OSBPL3: variants seen among roughly 807,000 people sequenced by gnomAD.
The protein encoded by OSBPL3 is oxysterol binding protein like 3.
Under a neutral mutation model 120.1 loss-of-function variants are expected in OSBPL3, and 65 were observed. The ratio of observed to expected loss-of-function variants is 0.54; its 90% confidence interval spans 0.44 to 0.67. The LOEUF is 0.67. Ranked by LOEUF, OSBPL3 falls within the 30% of genes least tolerant of loss-of-function variation. OSBPL3 has a pLI of 0.00. For synonymous variants in OSBPL3, 416 were observed against 402.6 expected, an observed-to-expected ratio of 1.03 and a Z score of -0.40; for missense variants, 1,004 against 1,082.1, an observed-to-expected ratio of 0.93 and a Z score of 1.01.
Position 24,820,113 on chromosome 7 carries a change from G to A in OSBPL3, c.1948+62C>T, listed in dbSNP as rs974838690. On this transcript the variant is annotated intron_variant, in intron 17 of 22. Coordinates refer to ENST00000313367, the MANE Select transcript of OSBPL3 (RefSeq NM_015550.4). This position sits in a 1 kb window ranked among gnomAD's most constrained non-coding sequence, Gnocchi z 4.6. ...CAGTAAGAATTGACAGCAATTCTTG[G>A]ATAAAATAAATAGATAACATATTAC... The A allele has an allele frequency of 3.2e-6, 4 of 1,235,866 alleles. No homozygotes were observed. The highest frequency in any genetic ancestry group is 1.8e-5 in the Admixed American group (1 of 54,710). 76.6% of individuals were successfully genotyped at this position (1,235,866 alleles called of 1,614,324 possible).
chr7:24,902,498 G>A (rs1364201854), intron 1 of OSBPL3, among the ~76,000 whole-genome samples: 1 of 152,002 alleles, frequency 6.6e-6, no homozygotes, highest in African/African-American at 2.4e-5. Flanking sequence ...TAAAGATGCT[G>A]ATGCAATGAA....
Position 24,806,921 on chromosome 7 carries a change from A to G in OSBPL3, c.2318-19T>C. The G allele has an allele frequency of 5.0e-6, 8 of 1,597,414 alleles. No individual in the cohort carries two copies. Among genetic ancestry groups the G allele is most frequent in the Non-Finnish European group, 6.8e-6 (8 of 1,170,252 alleles). ...ATAGGATCTAAGAAGAAAATAAATC[A>G]TTCACCCCTAACTTGCATGTTACTT... On this transcript the variant is annotated intron_variant, in intron 20 of 22. Coordinates refer to ENST00000313367, the MANE Select transcript of OSBPL3 (RefSeq NM_015550.4). This position sits in a 1 kb window ranked among gnomAD's most constrained non-coding sequence, Gnocchi z 5.2.
chr7:24,893,793 C>T lies in OSBPL3; in HGVS notation c.-149-1172G>A, dbSNP rs907200545. On this transcript the variant is annotated intron_variant, in intron 1 of 22. Transcript: ENST00000313367. ...AGGCTGCAGCTCTTTGGGAGTCTTG[C>T]CCTGATGGAGGGGTTTCTAGTTTTC... Among the ~76,000 whole-genome samples the T allele has an allele frequency of 2.0e-5, 3 of 152,144 alleles. No individual in the cohort carries two copies. In the East Asian group the frequency reaches 5.8e-4, roughly 29 times the overall value.
chr7:24,915,450 T>C (rs1809408735), intron 1 of OSBPL3, among the ~76,000 whole-genome samples: 1 of 152,174 alleles, frequency 6.6e-6, no homozygotes, highest in Non-Finnish European at 1.5e-5. Flanking sequence ...AAAGTTGTCT[T>C]TCAAAAATAA....
intron 19 of OSBPL3, 149 bp downstream of exon 19, chr7:24,814,910 G>A (rs1209652520): frequency 1.5e-5 from 11 of 720,860 alleles, no homozygotes; most frequent in Non-Finnish European, 2.1e-5. Flanking sequence ...CTAGGTGACA[G>A]AGGTGCAGCT....
At position 24,806,402 on chromosome 7, in the gene OSBPL3, C is replaced by T. The variant is rs1793043455; in HGVS notation, c.2444+374G>A. Reference sequence around the variant, plus strand: ...ATATCACACACCTTGTGAGCAGCAACCTAGAATCAGCAGTTAGATCTCAGT... The same window carrying T: ...ATATCACACACCTTGTGAGCAGCAATCTAGAATCAGCAGTTAGATCTCAGT... On this transcript the variant is annotated intron_variant, in intron 21 of 22. Transcript: ENST00000313367. This position sits in a 1 kb window ranked among gnomAD's most constrained non-coding sequence, Gnocchi z 5.2. Among the ~76,000 whole-genome samples, 1 of 152,128 alleles carries T rather than the reference C, an allele frequency of 6.6e-6. No homozygotes were observed. Among genetic ancestry groups the T allele is most frequent in the Admixed American group, 6.6e-5 (1 of 15,266 alleles).
chr7:24,959,789 T>C lies in OSBPL3; in HGVS notation c.-150+20097A>G, dbSNP rs1815508456. ...ATAAATGTTTTTCTAAATGCTGACATGCTTATCGGCCACTTGTAAAACCCA... is the reference window on the plus strand; with the variant it reads ...ATAAATGTTTTTCTAAATGCTGACACGCTTATCGGCCACTTGTAAAACCCA... On this transcript the variant is annotated intron_variant, in intron 1 of 22. Transcript: ENST00000313367. This position sits in a 1 kb window ranked among gnomAD's most constrained non-coding sequence, Gnocchi z 4.3. 6.6e-6 allele frequency among the ~76,000 whole-genome samples: 1 copy of C among 152,222 alleles called. No individual in the cohort carries two copies. The highest frequency in any genetic ancestry group is 2.1e-4 in the South Asian group (1 of 4,834).
chr7:24,865,584 G>A, intron 6 of OSBPL3, 119 bp from the exon 7 acceptor site: 1 of 993,340 alleles, frequency 1.0e-6, no homozygotes, highest in East Asian at 2.5e-5. Context: ...CTATAATGAG[G>A]AAGAAGCTTC....
At chr7:24,981,830 G>C (rs1225261480), upstream of OSBPL3, among the ~76,000 whole-genome samples, 1 of 152,170 alleles carries the variant, frequency 6.6e-6, no homozygotes, top group Non-Finnish European at 1.5e-5. The surrounding 1 kb of genome is among the most constrained non-coding windows in gnomAD (Gnocchi z 7.3). Flanking sequence ...TGGACGGGTA[G>C]TGGAAGGACG....
rs767089220 is a variant in OSBPL3 at position 24,862,858 on chromosome 7, G to A, written c.870+342C>T. Among the ~76,000 whole-genome samples, 1 of 152,122 alleles carries A rather than the reference G, an allele frequency of 6.6e-6. No homozygotes were observed. Among genetic ancestry groups the A allele is most frequent in the Non-Finnish European group, 1.5e-5 (1 of 68,026 alleles). On this transcript the variant is annotated intron_variant, in intron 9 of 22. Transcript: ENST00000313367. The surrounding 1 kb of genome is among the most constrained non-coding windows in gnomAD (Gnocchi z 4.4). ...CAGGTCACAGCACACAGCAACTGCA[G>A]CCACAAAACAAGGCACAAACACAAG... is the stretch of plus-strand genomic sequence containing the variant.
rs62450564 is a variant in OSBPL3 at position 24,873,312 on chromosome 7, T to C, written c.97-1243A>G. ...AGGGCACAGAAACCACACAGGGTCC[T>C]GAGTGGCTCTGGCTCAGTTTCTGTG... On this transcript the variant is annotated intron_variant, in intron 2 of 22. Coordinates refer to ENST00000313367, the MANE Select transcript of OSBPL3 (RefSeq NM_015550.4). This position sits in a 1 kb window ranked among gnomAD's most constrained non-coding sequence, Gnocchi z 4.1. 0.19 allele frequency among the ~76,000 whole-genome samples: 29,358 copies of C among 152,168 alleles called. 2,973 individuals are homozygous for C. The highest frequency in any genetic ancestry group is 0.24 in the East Asian group (1,221 of 5,178).
In OSBPL3 at chr7:24,851,696, A is replaced by T. The variant is rs1212049563; in HGVS notation, c.1158+808T>A. The stretch of plus-strand genomic sequence containing the variant: ...AAGAGTAAAAGCAAATCAGTATGCT[A>T]TTTCAAAAGTTCTCTAGCCTCCTGA... On this transcript the variant is annotated intron_variant, in intron 11 of 22. Transcript: ENST00000313367. The surrounding 1 kb of genome is among the most constrained non-coding windows in gnomAD (Gnocchi z 4.1). 2.6e-5 allele frequency among the ~76,000 whole-genome samples: 4 copies of T among 151,808 alleles called. No homozygotes were observed. The highest frequency in any genetic ancestry group is 5.9e-5 in the Non-Finnish European group (4 of 67,976).
At position 24,933,931 on chromosome 7, in the gene OSBPL3, G is replaced by A. The variant is rs1327163627; in HGVS notation, c.-149-41310C>T. Among the ~76,000 whole-genome samples, 1 of 152,160 alleles carries A rather than the reference G, an allele frequency of 6.6e-6. No homozygotes were observed. The highest frequency in any genetic ancestry group is 1.5e-5 in the Non-Finnish European group (1 of 68,018). On this transcript the variant is annotated intron_variant, in intron 1 of 22. Transcript: ENST00000313367. The surrounding 1 kb of genome is among the most constrained non-coding windows in gnomAD (Gnocchi z 5.1). ...GATTTGTTGGCATTAAATCAGTTTA[G>A]TCTATAAATACCTTTATAGATGACA... is the stretch of plus-strand genomic sequence containing the variant.
chr7:24,882,527 C>T (rs955131860), intron 2 of OSBPL3, among the ~76,000 whole-genome samples: 1 of 152,164 alleles, frequency 6.6e-6, no homozygotes, highest in African/African-American at 2.4e-5. Context: ...TTTTATATCT[C>T]TGATATTGTA....
rs1815455672 is a variant in OSBPL3 at position 24,959,361 on chromosome 7, T to C, written c.-150+20525A>G. On this transcript the variant is annotated intron_variant, in intron 1 of 22. Transcript: ENST00000313367. This position sits in a 1 kb window ranked among gnomAD's most constrained non-coding sequence, Gnocchi z 4.3. ...CAATAGTAGAATGGATAAATAAATT[T>C]TGGCATATTAACACAATGCGATTCT... Among the ~76,000 whole-genome samples the C allele has an allele frequency of 6.6e-6, 1 of 152,180 alleles. No homozygotes were observed. The highest frequency in any genetic ancestry group is 2.4e-5 in the African/African-American group (1 of 41,442).
In OSBPL3 at chr7:24,966,022, G is replaced by A. The variant is rs372241309; in HGVS notation, c.-150+13864C>T. ...CCTCCAAACCCCCTTCACATCCATTGACACCTGGCTAAGTCTCACACAAGT... is the reference window on the plus strand; with the variant it reads ...CCTCCAAACCCCCTTCACATCCATTAACACCTGGCTAAGTCTCACACAAGT... On this transcript the variant is annotated intron_variant, in intron 1 of 22. Transcript: ENST00000313367. This position sits in a 1 kb window ranked among gnomAD's most constrained non-coding sequence, Gnocchi z 4.8. 1.3e-5 allele frequency among the ~76,000 whole-genome samples: 2 copies of A among 152,034 alleles called. No individual in the cohort carries two copies. The highest frequency in any genetic ancestry group is 1.9e-4 in the East Asian group (1 of 5,178).
chr7:24,831,267 CA>C lies in OSBPL3; in HGVS notation c.1747-363del, dbSNP rs1796332067. Among the ~76,000 whole-genome samples, 1 of 152,094 alleles carries C rather than the reference CA, an allele frequency of 6.6e-6. No homozygotes were observed. The highest frequency in any genetic ancestry group is 2.4e-5 in the African/African-American group (1 of 41,410). On this transcript the variant is annotated intron_variant, in intron 15 of 22. Coordinates refer to ENST00000313367, the MANE Select transcript of OSBPL3 (RefSeq NM_015550.4). The surrounding 1 kb of genome is among the most constrained non-coding windows in gnomAD (Gnocchi z 4.0). Reference sequence around the variant, plus strand: ...GGATCCTAATATGGTGCTAAGCCTTCAGGGGTGGAGTGGGGAAAGAGTATTA... The same window carrying C: ...GGATCCTAATATGGTGCTAAGCCTTCGGGGTGGAGTGGGGAAAGAGTATTA...
chr7:24,803,337 C>T lies in OSBPL3; in HGVS notation c.2567+978G>A, dbSNP rs566301961. 1.3e-5 allele frequency among the ~76,000 whole-genome samples: 2 copies of T among 152,246 alleles called. No individual in the cohort carries two copies. Among genetic ancestry groups the T allele is most frequent in the South Asian group, 2.1e-4 (1 of 4,818 alleles). On this transcript the variant is annotated intron_variant, in intron 22 of 22. Transcript: ENST00000313367. The surrounding 1 kb of genome is among the most constrained non-coding windows in gnomAD (Gnocchi z 4.2). ...AAAACTAAAATCATATAGGCCCTGG[C>T]CTGGTAGTGAGGAGAGTCAGGCCCC... is the stretch of plus-strand genomic sequence containing the variant.
In OSBPL3 at chr7:24,959,213, T is replaced by C. The variant is rs561948260; in HGVS notation, c.-150+20673A>G. Among the ~76,000 whole-genome samples the C allele has an allele frequency of 6.6e-6, 1 of 152,268 alleles. No homozygotes were observed. Among genetic ancestry groups the C allele is most frequent in the African/African-American group, 2.4e-5 (1 of 41,560 alleles). ...ATATGTTAACTCTGTGACCCAGCAATTCTACTCCTTGGTATATACTCAATA... is the reference window on the plus strand; with the variant it reads ...ATATGTTAACTCTGTGACCCAGCAACTCTACTCCTTGGTATATACTCAATA... On this transcript the variant is annotated intron_variant, in intron 1 of 22. Coordinates refer to ENST00000313367, the MANE Select transcript of OSBPL3 (RefSeq NM_015550.4). The surrounding 1 kb of genome is among the most constrained non-coding windows in gnomAD (Gnocchi z 4.3).
Sources: allele counts gnomAD v4.1 joint callset (sites outside exome capture counted in the v4.1 genomes callset), GRCh38; gene constraint gnomAD v4.1.1; non-coding constraint Gnocchi (gnomAD v3.1); transcripts MANE v1.5; gene names NCBI Gene and HGNC (gene_info 2026-07-23, HGNC 2026-07-21).